Variants in JPH3 observed in about 807,000 individuals in gnomAD.
JPH3 encodes junctophilin-3.
A neutral mutation model predicts 59.6 loss-of-function variants in JPH3; 11 were observed. That is an observed-to-expected ratio of 0.18 (90% CI 0.12 to 0.31). JPH3 has a LOEUF of 0.31. JPH3 is among the 10% of genes least tolerant of loss of function. JPH3 has a pLI of 1.00. For synonymous variants in JPH3, 673 were observed against 483.6 expected, an observed-to-expected ratio of 1.39 and a Z score of -5.14; for missense variants, 1,202 against 1,105.7, an observed-to-expected ratio of 1.09 and a Z score of -1.24.
chr16:87,674,798 T>C (rs533894735), intron 2 of JPH3, among the ~76,000 whole-genome samples: 1 of 152,330 alleles, frequency 6.6e-6, no homozygotes, highest in Non-Finnish European at 1.5e-5. Flanking sequence ...TCTTGCTCTG[T>C]CGCCCAGGCT....
rs985681231 is a variant in JPH3, at chr16:87,611,143, G to A, written c.382+7615G>A. On this transcript the variant is annotated intron_variant, in intron 1 of 4. Coordinates refer to ENST00000284262, the MANE Select transcript of JPH3 (RefSeq NM_020655.4). The surrounding 1 kb of genome is among the most constrained non-coding windows in gnomAD (Gnocchi z 4.5). Reference sequence around the variant, plus strand: ...GAAACAAACACATAAAAATGAAAATGCAAGAAATAGGATGTCCTATGTTCT... The same window carrying A: ...GAAACAAACACATAAAAATGAAAATACAAGAAATAGGATGTCCTATGTTCT... 1.1e-4 allele frequency among the ~76,000 whole-genome samples: 17 copies of A among 152,232 alleles called. No individual in the cohort carries two copies. Among genetic ancestry groups the A allele is most frequent in the African/African-American group, 4.1e-4 (17 of 41,460 alleles).
At chr16:87,684,908 G>A in intron 3 of JPH3, among the ~76,000 whole-genome samples, 1 of 152,152 alleles carries the variant, frequency 6.6e-6, no homozygotes, top group African/African-American at 2.4e-5. Flanking sequence ...AGAGGCCGTG[G>A]CCAGCTGCCT....
chr16:87,675,874 C>T (rs1358035875), intron 2 of JPH3, among the ~76,000 whole-genome samples: 1 of 152,218 alleles, frequency 6.6e-6, no homozygotes, highest in Non-Finnish European at 1.5e-5. Flanking sequence ...ACCCCTTCCT[C>T]CAGGCTGCCT....
chr16:87,657,394 G>T (rs1031654670), intron 2 of JPH3, among the ~76,000 whole-genome samples: 5 of 152,290 alleles, frequency 3.3e-5, no homozygotes, highest in Admixed American at 2.0e-4. Context: ...CAGGGGCTGG[G>T]GTGGGAACAA....
chr16:87,673,193 C>T (rs2033061607), intron 2 of JPH3, among the ~76,000 whole-genome samples: 1 of 151,762 alleles, frequency 6.6e-6, no homozygotes, highest in Non-Finnish European at 1.5e-5. Flanking sequence ...AGCTGGTTTC[C>T]TTACTGCATA....
At chr16:87,659,879 C>G (rs764171121) in intron 2 of JPH3, among the ~76,000 whole-genome samples, 6 of 152,192 alleles carry the variant, frequency 3.9e-5, no homozygotes, top group Non-Finnish European at 7.4e-5. Flanking sequence ...CTAACTCCCC[C>G]TCCCAGGTTC....
chr16:87,696,484 C>T, intron 4 of JPH3, 96 bp from the exon 5 acceptor site: 2 of 997,864 alleles, frequency 2.0e-6, no homozygotes, highest in Non-Finnish European at 3.2e-6. Context: ...CCCCGAGGGT[C>T]TGCTAGCTTG....
chr16:87,691,067 A>G (rs889805795), intron 4 of JPH3, among the ~76,000 whole-genome samples: 6 of 147,502 alleles, frequency 4.1e-5, no homozygotes, highest in African/African-American at 1.6e-4. Flanking sequence ...TGTGCAACTC[A>G]CCGTCAGCCT....
intron 3 of JPH3, among the ~76,000 whole-genome samples, chr16:87,688,834 G>A (rs74039465): frequency 0.071 from 10,776 of 152,268 alleles, 1,222 homozygotes; most frequent in African/African-American, 0.24. Context: ...AGTCGGGCAT[G>A]GCTCCCGTGT....
At chr16:87,622,204 G>A (rs1056606861) in intron 1 of JPH3, among the ~76,000 whole-genome samples, 4 of 152,166 alleles carry the variant, frequency 2.6e-5, no homozygotes, top group Non-Finnish European at 4.4e-5. Flanking sequence ...CCTGCCTTCC[G>A]AGGCCTCAGC....
intron 2 of JPH3, among the ~76,000 whole-genome samples, chr16:87,664,059 C>G (rs147233687): frequency 6.6e-6 from 1 of 152,160 alleles, no homozygotes; most frequent in South Asian, 2.1e-4. Flanking sequence ...CAGCTGGGCG[C>G]GGTGGCTCAC....
chr16:87,607,823 C>T (rs2030581757), intron 1 of JPH3, among the ~76,000 whole-genome samples: 1 of 152,238 alleles, frequency 6.6e-6, no homozygotes, highest in African/African-American at 2.4e-5. Flanking sequence ...AACAGAAACT[C>T]ATTTCAGAAA....
At chr16:87,645,136 C>A in intron 2 of JPH3, 101 bp downstream of exon 2, 1 of 1,228,548 alleles carries the variant, frequency 8.1e-7, no homozygotes, top group Non-Finnish European at 1.1e-6. Flanking sequence ...TGGGCTAGGC[C>A]CAGTTTGAGG....
chr16:87,663,301 C>T (rs1353685547), intron 2 of JPH3, among the ~76,000 whole-genome samples: 1 of 152,104 alleles, frequency 6.6e-6, no homozygotes, highest in Non-Finnish European at 1.5e-5. Flanking sequence ...AGAGACAAGG[C>T]TTCACCACGT....
intron 4 of JPH3, chr16:87,695,344 G>A (rs2033781721): frequency 2.2e-6 from 1 of 455,986 alleles, no homozygotes; most frequent in Non-Finnish European, 4.4e-6. Context: ...ACAGGGAGGG[G>A]GAGGAGAGTA....
intron 4 of JPH3, 30 bp from the exon 5 acceptor site, chr16:87,696,550 C>A: frequency 6.3e-7 from 1 of 1,598,780 alleles, no homozygotes; most frequent in South Asian, 1.1e-5. Context: ...CCGCAGCTGT[C>A]GCTCACCTCT....
chr16:87,651,971 C>A (rs192784949), intron 2 of JPH3, among the ~76,000 whole-genome samples: 1 of 147,024 alleles, frequency 6.8e-6, no homozygotes, highest in African/African-American at 2.6e-5. Flanking sequence ...ACATTGTTGT[C>A]GTTTTTTTTT....
Position 87,659,773 on chromosome 16 carries a change from C to T in JPH3, c.1160+14738C>T, listed in dbSNP as rs376840710. On this transcript the variant is annotated intron_variant, in intron 2 of 4. Coordinates refer to ENST00000284262, the MANE Select transcript of JPH3 (RefSeq NM_020655.4). ...GATTTTTAACCATTTTTAAGTGTAC[C>T]GTAAGTGGCATTAAGCATGTGGTGC... Among the ~76,000 whole-genome samples the T allele has an allele frequency of 4.6e-5, 7 of 152,206 alleles. No individual in the cohort carries two copies. The East Asian group carries it at 5.8e-4, about 13-fold the overall frequency.
At chr16:87,648,974 G>C (rs1373009056) in intron 2 of JPH3, among the ~76,000 whole-genome samples, 1 of 152,224 alleles carries the variant, frequency 6.6e-6, no homozygotes, top group Non-Finnish European at 1.5e-5. Context: ...GCCGCCGGGA[G>C]GCCTTGGCCC....
Sources: allele counts gnomAD v4.1 joint callset (sites outside exome capture counted in the v4.1 genomes callset), GRCh38; gene constraint gnomAD v4.1.1; non-coding constraint Gnocchi (gnomAD v3.1); transcripts MANE v1.5; gene names NCBI Gene and HGNC (gene_info 2026-07-23, HGNC 2026-07-21).